TAFA2: variants seen among roughly 807,000 people sequenced by gnomAD.
TAFA2 encodes TAFA chemokine like family member 2.
A neutral mutation model predicts 18.8 loss-of-function variants in TAFA2; 7 were observed. The observed-to-expected ratio is 0.37, with a 90% confidence interval of 0.21 to 0.70. The LOEUF is 0.70. Ranked by LOEUF, TAFA2 falls within the 30% of genes least tolerant of loss-of-function variation. TAFA2 has a pLI of 0.53. For missense variants in TAFA2, 122 were observed against 158.1 expected (o/e 0.77, Z 1.23); for synonymous variants, 60 against 54.2 (o/e 1.11, Z -0.47).
chr12:62,241,734 TGAAA>T (rs34727745), intron 1 of TAFA2, among the ~76,000 whole-genome samples: 24,926 of 151,972 alleles, frequency 0.16, 2,412 homozygotes, highest in East Asian at 0.34. Flanking sequence ...CATTCAAACA[TGAAA>T]GAAAGAATGA....
chr12:62,108,145 AC>A (rs1188100761), intron 1 of TAFA2, among the ~76,000 whole-genome samples: 1 of 147,076 alleles, frequency 6.8e-6, no homozygotes, highest in South Asian at 2.2e-4. Context: ...CTAGTCCCCC[AC>A]CCCCCAACAG....
rs1332869925 is a variant in TAFA2, at chr12:61,947,021, G to A, written c.-1-79595C>T. The stretch of plus-strand genomic sequence containing the variant: ...ACACATGCACATGTATGTTTATTGC[G>A]GCATTATTCACAATAGCAAAGACTT... On this transcript the variant is annotated intron_variant, in intron 1 of 4. Coordinates refer to ENST00000416284, the MANE Select transcript of TAFA2 (RefSeq NM_178539.5). 5.3e-4 allele frequency among the ~76,000 whole-genome samples: 15 copies of A among 28,410 alleles called. 1 individual carries two copies. Among genetic ancestry groups the A allele is most frequent in the Non-Finnish European group, 5.1e-5 (1 of 19,564 alleles). The allele number at this position is 28,410 out of a possible 152,430, so 18.6% of individuals were successfully genotyped here.
In TAFA2 at chr12:62,073,720, C is replaced by T. The variant is rs535845207; in HGVS notation, c.-2+117539G>A. Among the ~76,000 whole-genome samples the T allele has an allele frequency of 1.1e-4, 16 of 152,248 alleles. No individual in the cohort carries two copies. In the East Asian group the frequency reaches 3.1e-3, roughly 29 times the overall value. ...GTTAGTATCCCCTTATTTTTTATTA[C>T]ATTTTTGATTATATGGTAGATACTT... On this transcript the variant is annotated intron_variant, in intron 1 of 4. Transcript: ENST00000416284.
intron 1 of TAFA2, among the ~76,000 whole-genome samples, chr12:62,020,965 G>A (rs1881110272): frequency 1.3e-5 from 2 of 152,162 alleles, no homozygotes; most frequent in Admixed American, 1.3e-4. Flanking sequence ...TTTGAACTCA[G>A]TTATATTCAC....
intron 1 of TAFA2, among the ~76,000 whole-genome samples, chr12:61,932,129 A>C (rs1467394249): frequency 2.0e-5 from 3 of 152,240 alleles, no homozygotes; most frequent in Non-Finnish European, 4.4e-5. Flanking sequence ...TTCATAAATG[A>C]AAAGCAGCCA....
At chr12:62,099,401 T>C (rs1005389224) in intron 1 of TAFA2, among the ~76,000 whole-genome samples, 3 of 152,172 alleles carry the variant, frequency 2.0e-5, no homozygotes, top group African/African-American at 7.2e-5. Flanking sequence ...TTCTTCATAA[T>C]AGAGAGTTAT....
At chr12:61,765,824 G>A (rs1014729177) in intron 2 of TAFA2, among the ~76,000 whole-genome samples, 2 of 151,964 alleles carry the variant, frequency 1.3e-5, no homozygotes, top group African/African-American at 4.8e-5. Context: ...TAAAAATAAA[G>A]TCCAAACTTG....
chr12:62,080,252 C>T (rs1237101040), intron 1 of TAFA2, among the ~76,000 whole-genome samples: 2 of 152,216 alleles, frequency 1.3e-5, no homozygotes, highest in African/African-American at 4.8e-5. Context: ...CTTAGAATCC[C>T]TTTCTCCAGG....
chr12:62,228,783 A>G (rs1237298286), intron 1 of TAFA2, among the ~76,000 whole-genome samples: 1 of 152,148 alleles, frequency 6.6e-6, no homozygotes, highest in Non-Finnish European at 1.5e-5. Flanking sequence ...TAGGAATTGC[A>G]TTGAATCTGT....
intron 1 of TAFA2, among the ~76,000 whole-genome samples, chr12:61,937,081 T>C (rs1462420550): frequency 3.3e-5 from 5 of 152,016 alleles, no homozygotes; most frequent in Admixed American, 3.3e-4. Context: ...AAATAAAATA[T>C]CTTGGAATAT....
At chr12:61,960,878 A>C (rs755981691) in intron 1 of TAFA2, among the ~76,000 whole-genome samples, 7 of 151,994 alleles carry the variant, frequency 4.6e-5, no homozygotes, top group Non-Finnish European at 1.0e-4. Flanking sequence ...AAAATAGAAA[A>C]AAATAGAACT....
chr12:62,122,976 C>G (rs1289262415), intron 1 of TAFA2, among the ~76,000 whole-genome samples: 2 of 152,162 alleles, frequency 1.3e-5, no homozygotes, highest in Non-Finnish European at 2.9e-5. Flanking sequence ...CAGTCATCAT[C>G]TAGCTCATAT....
At chr12:61,756,277 A>G (rs903454448) in intron 2 of TAFA2, among the ~76,000 whole-genome samples, 4 of 152,102 alleles carry the variant, frequency 2.6e-5, no homozygotes, top group African/African-American at 9.7e-5. Context: ...AGAGGCAGAT[A>G]CCATTTCTGC....
intron 1 of TAFA2, among the ~76,000 whole-genome samples, chr12:62,199,448 GAA>G (rs145615803): frequency 0.084 from 12,823 of 152,114 alleles, 664 homozygotes; most frequent in Middle Eastern, 0.18. Context: ...TTATAAATGA[GAA>G]CATGCGGTGT....
chr12:62,102,933 A>G (rs1413997015), intron 1 of TAFA2, among the ~76,000 whole-genome samples: 2 of 152,288 alleles, frequency 1.3e-5, no homozygotes, highest in African/African-American at 4.8e-5. Context: ...CAGTCTCTCC[A>G]AAGAGGAGAG....
chr12:61,942,003 C>A (rs1362775326), intron 1 of TAFA2, among the ~76,000 whole-genome samples: 2 of 151,850 alleles, frequency 1.3e-5, no homozygotes, highest in Non-Finnish European at 2.9e-5. Flanking sequence ...GGGGGCAGGG[C>A]ACAGACAAAC....
chr12:61,771,016 G>A (rs1870000735), intron 2 of TAFA2, among the ~76,000 whole-genome samples: 1 of 151,864 alleles, frequency 6.6e-6, no homozygotes, highest in Admixed American at 6.6e-5. Context: ...TAACACATAA[G>A]GACACACATA....
At chr12:62,178,217 T>C (rs901526297) in intron 1 of TAFA2, among the ~76,000 whole-genome samples, 5 of 152,152 alleles carry the variant, frequency 3.3e-5, no homozygotes, top group Non-Finnish European at 7.4e-5. Context: ...GGAGGATCAC[T>C]TGAGCCCGAG....
At position 61,708,578 on chromosome 12, in the gene TAFA2, C is replaced by A. The variant is rs1254825607; in HGVS notation, c.*1828G>T. On this transcript the variant is annotated 3_prime_UTR_variant, in exon 5 of 5. Transcript: ENST00000416284. ...TCTAATTGATGCAGAAACCCCAGGG[C>A]AACTTTTTTTTTATAATTTCATATA... 1 of 151,874 alleles carries A rather than the reference C, an allele frequency of 6.6e-6. No individual in the cohort carries two copies. Among genetic ancestry groups the A allele is most frequent in the African/African-American group, 2.4e-5 (1 of 41,382 alleles). 9.4% of individuals were successfully genotyped at this position (151,874 alleles called of 1,614,324 possible). A position where few individuals can be genotyped will look rare whatever the true frequency, so the allele number is the denominator to read the frequency against.
Sources: allele counts gnomAD v4.1 joint callset (sites outside exome capture counted in the v4.1 genomes callset), GRCh38; gene constraint gnomAD v4.1.1; transcripts MANE v1.5; gene names NCBI Gene and HGNC (gene_info 2026-07-23, HGNC 2026-07-21).